Variants in PLD5 observed in about 807,000 individuals in gnomAD.
PLD5 encodes the protein phospholipase D family member 5, also known as inactive phospholipase D5.
A neutral mutation model predicts 61.1 loss-of-function variants in PLD5; 36 were observed. The ratio of observed to expected loss-of-function variants is 0.59; its 90% confidence interval spans 0.45 to 0.78. PLD5 has a LOEUF of 0.78. PLD5 is among the 30% of genes least tolerant of loss of function. PLD5 has a pLI of 0.00. For synonymous variants in PLD5, 243 were observed against 242.8 expected (o/e 1.00, Z -0.01); for missense variants, 515 against 644.4 (o/e 0.80, Z 2.17).
intron 5 of PLD5, among the ~76,000 whole-genome samples, chr1:242,160,955 C>CAATATGATTG (rs1558288006): frequency 1.3e-5 from 2 of 151,464 alleles, no homozygotes; most frequent in African/African-American, 4.9e-5. Context: ...ATACTAGATA[C>CAATATGATTG]AATATGATTG....
chr1:242,157,456 G>A (rs1665474841), intron 5 of PLD5, among the ~76,000 whole-genome samples: 1 of 152,206 alleles, frequency 6.6e-6, no homozygotes, highest in South Asian at 2.1e-4. Context: ...GGAATTCTCA[G>A]CCTTTTTGGA....
At chr1:242,113,084 C>CTTTTTTTTTTTTTT (rs71570931) in intron 7 of PLD5, among the ~76,000 whole-genome samples, 2 of 110,666 alleles carry the variant, frequency 1.8e-5, no homozygotes, top group Non-Finnish European at 1.8e-5. Flanking sequence ...CTCTCTCTCT[C>CTTTTTTTTTTTTTT]TTTTTTTTTT....
chr1:242,374,722 C>A (rs559299162), intron 1 of PLD5, among the ~76,000 whole-genome samples: 24 of 152,186 alleles, frequency 1.6e-4, no homozygotes, highest in Non-Finnish European at 3.1e-4. Context: ...GACAGACAAG[C>A]CTTGCTGGGT....
chr1:242,379,631 C>T (rs1268702408), intron 1 of PLD5, among the ~76,000 whole-genome samples: 1 of 151,738 alleles, frequency 6.6e-6, no homozygotes, highest in African/African-American at 2.4e-5. Context: ...AAAAAAAAAA[C>T]TTTGAGTTTT....
intron 3 of PLD5, among the ~76,000 whole-genome samples, chr1:242,279,034 A>C (rs950644945): frequency 2.0e-5 from 3 of 152,240 alleles, no homozygotes; most frequent in Admixed American, 6.5e-5. Flanking sequence ...CAAACCAAAA[A>C]GCAATCACTG....
chr1:242,165,867 C>T (rs2148861303), intron 5 of PLD5, among the ~76,000 whole-genome samples: 1 of 152,222 alleles, frequency 6.6e-6, no homozygotes. Context: ...CAGGCATTTA[C>T]CTGGGAACTT....
In PLD5 at chr1:242,193,295, G is replaced by A. The variant is rs147100952; in HGVS notation, c.735+26693C>T. The stretch of plus-strand genomic sequence containing the variant: ...TAGAGAAAAGTAAAAATTTTTCACT[G>A]CTTCTCTTTTCTGGAAATTCTCATA... On this transcript the variant is annotated intron_variant, in intron 5 of 9. Coordinates refer to ENST00000536534, the MANE Select transcript of PLD5 (RefSeq NM_001372062.1). Among the ~76,000 whole-genome samples the A allele has an allele frequency of 1.7e-3, 263 of 152,134 alleles. 2 individuals carry two copies. The highest frequency in any genetic ancestry group is 6.0e-3 in the African/African-American group (248 of 41,424).
intron 2 of PLD5, among the ~76,000 whole-genome samples, chr1:242,303,508 G>A (rs1481150186): frequency 2.6e-5 from 4 of 152,150 alleles, no homozygotes; most frequent in African/African-American, 9.7e-5. Context: ...TATGACATCC[G>A]AGTTTGCCTT....
At chr1:242,453,839 C>T (rs1379695881) in intron 1 of PLD5, among the ~76,000 whole-genome samples, 1 of 152,162 alleles carries the variant, frequency 6.6e-6, no homozygotes, top group East Asian at 1.9e-4. Context: ...TCTCTCCCAA[C>T]ACCAGTTTTA....
intron 1 of PLD5, among the ~76,000 whole-genome samples, chr1:242,489,597 A>T (rs1235297631): frequency 1.3e-5 from 2 of 152,198 alleles, no homozygotes; most frequent in Admixed American, 1.3e-4. Context: ...ACTTTTCTAC[A>T]TTTCCATTTT....
intron 4 of PLD5, among the ~76,000 whole-genome samples, chr1:242,247,224 C>T (rs371384341): frequency 3.9e-5 from 6 of 152,126 alleles, no homozygotes; most frequent in South Asian, 2.1e-4. Flanking sequence ...CCTCGTGATC[C>T]GCCCGCCTCG....
chr1:242,186,948 C>T (rs1379415465), intron 5 of PLD5, among the ~76,000 whole-genome samples: 1 of 152,162 alleles, frequency 6.6e-6, no homozygotes. Flanking sequence ...AGATAGGTAG[C>T]TTCTTAAATT....
chr1:242,360,512 G>C (rs1053540352), intron 1 of PLD5, among the ~76,000 whole-genome samples: 3 of 151,870 alleles, frequency 2.0e-5, no homozygotes, highest in Non-Finnish European at 4.4e-5. Flanking sequence ...CCCTCATAAT[G>C]AAGAAAGAAA....
chr1:242,333,497 C>T (rs954300698), intron 2 of PLD5, among the ~76,000 whole-genome samples: 4 of 152,082 alleles, frequency 2.6e-5, no homozygotes, highest in South Asian at 4.2e-4. Context: ...CTCAGGACCA[C>T]GGTCTCCCAG....
At chr1:242,210,460 G>A (rs993521357) in intron 5 of PLD5, 1 of 155,856 alleles carries the variant, frequency 6.4e-6, no homozygotes, top group African/African-American at 2.4e-5. Flanking sequence ...CCACCACAAA[G>A]GAAGTGTCAA....
chr1:242,449,600 T>C, intron 1 of PLD5: 1 of 1,246,068 alleles, frequency 8.0e-7, no homozygotes. Context: ...TAGAATGTGC[T>C]CTTAAAAACA....
chr1:242,139,782 G>T (rs1294484587), intron 5 of PLD5, among the ~76,000 whole-genome samples: 1 of 152,124 alleles, frequency 6.6e-6, no homozygotes, highest in Non-Finnish European at 1.5e-5. Context: ...GTGGATGCAG[G>T]CACCTCAGAT....
intron 4 of PLD5, among the ~76,000 whole-genome samples, chr1:242,224,851 G>T (rs902041537): frequency 3.9e-5 from 6 of 152,166 alleles, no homozygotes; most frequent in Non-Finnish European, 7.3e-5. Flanking sequence ...CAATTTACTT[G>T]TAGTAAAATT....
At chr1:242,396,673 C>CTTTTTTTTTTTTTTT (rs1202041198) in intron 1 of PLD5, among the ~76,000 whole-genome samples, 3 of 129,544 alleles carry the variant, frequency 2.3e-5, no homozygotes, top group Admixed American at 8.0e-5. Context: ...CTTTTCTTTT[C>CTTTTTTTTTTTTTTT]TTTTTTTTTT....
Sources: allele counts gnomAD v4.1 joint callset (sites outside exome capture counted in the v4.1 genomes callset), GRCh38; gene constraint gnomAD v4.1.1; transcripts MANE v1.5; gene names NCBI Gene and HGNC (gene_info 2026-07-23, HGNC 2026-07-21).